The following RGSL1 variants were observed in gnomAD, a reference collection of about 807,000 sequenced individuals.
The protein encoded by RGSL1 is regulator of G protein signaling like 1.
Under a neutral mutation model 124.7 loss-of-function variants are expected in RGSL1, and 97 were observed. The ratio of observed to expected loss-of-function variants is 0.78; its 90% confidence interval spans 0.66 to 0.92. The LOEUF is 0.92. Among genes scored for constraint, RGSL1 ranks in the 40% least tolerant of loss-of-function variants. The pLI, the probability that RGSL1 is intolerant of heterozygous loss-of-function variation, is 0.00. For missense variants in RGSL1, 1,233 were observed against 1,288.4 expected, an observed-to-expected ratio of 0.96 and a Z score of 0.66; for synonymous variants, 424 against 438.1, an observed-to-expected ratio of 0.97 and a Z score of 0.40.
At chr1:182,520,176 A>G (rs1558367680) in intron 9 of RGSL1, among the ~76,000 whole-genome samples, 1 of 152,232 alleles carries the variant, frequency 6.6e-6, no homozygotes, top group Non-Finnish European at 1.5e-5. Flanking sequence ...TACTTCTGAC[A>G]TACACTAAAC....
At chr1:182,484,937 C>T (rs1432512953) in intron 6 of RGSL1, among the ~76,000 whole-genome samples, 2 of 152,222 alleles carry the variant, frequency 1.3e-5, no homozygotes, top group East Asian at 1.9e-4. Context: ...GGCTGCTTGC[C>T]CCTGGAGCAA....
intron 6 of RGSL1, among the ~76,000 whole-genome samples, chr1:182,478,910 G>A (rs951092873): frequency 3.9e-5 from 6 of 152,294 alleles, no homozygotes; most frequent in African/African-American, 1.4e-4. Flanking sequence ...AAACCTTGTA[G>A]TCCAGGAGAG....
At chr1:182,450,343 T>A (rs1651714140) in intron 1 of RGSL1, 165 bp downstream of exon 1, 1 of 755,210 alleles carries the variant, frequency 1.3e-6, no homozygotes, top group Admixed American at 2.1e-5. Context: ...TTCCCCTTCC[T>A]CCTACCTTCT....
chr1:182,524,658 G>A (rs1329029691), intron 10 of RGSL1, among the ~76,000 whole-genome samples: 1 of 152,166 alleles, frequency 6.6e-6, no homozygotes, highest in Non-Finnish European at 1.5e-5. Context: ...ACATCACCAA[G>A]CTTGACAGCC....
intron 9 of RGSL1, among the ~76,000 whole-genome samples, chr1:182,505,103 T>C (rs1656716041): frequency 1.3e-5 from 2 of 152,224 alleles, no homozygotes; most frequent in African/African-American, 2.4e-5. Context: ...ATCCCAACTG[T>C]TGTCCCTAGG....
At chr1:182,528,816 G>A (rs781065476) in intron 11 of RGSL1, among the ~76,000 whole-genome samples, 2 of 152,296 alleles carry the variant, frequency 1.3e-5, no homozygotes, top group African/African-American at 2.4e-5. Context: ...ACCTGAGACT[G>A]GGTAATTTAT....
chr1:182,451,936 A>C (rs1651873645), intron 1 of RGSL1, among the ~76,000 whole-genome samples: 1 of 151,964 alleles, frequency 6.6e-6, no homozygotes, highest in Non-Finnish European at 1.5e-5. Flanking sequence ...ACCATACAGC[A>C]TGATCCCCCA....
At chr1:182,550,651 A>C in intron 17 of RGSL1, 1 of 158,218 alleles carries the variant, frequency 6.3e-6, no homozygotes, top group South Asian at 2.0e-4. Flanking sequence ...CCCGCTGGGA[A>C]TAGAGTGAGG....
intron 10 of RGSL1, among the ~76,000 whole-genome samples, chr1:182,523,341 G>A (rs1658498211): frequency 6.6e-6 from 1 of 151,544 alleles, no homozygotes; most frequent in South Asian, 2.1e-4. Flanking sequence ...AGCCAAGAAT[G>A]TTTTCGTTTA....
At chr1:182,521,087 A>G (rs1300292875) in intron 9 of RGSL1, among the ~76,000 whole-genome samples, 2 of 152,180 alleles carry the variant, frequency 1.3e-5, no homozygotes, top group Admixed American at 6.5e-5. Context: ...AATTATTTTT[A>G]TAAACAGAGT....
At chr1:182,537,107 T>C (rs893097359) in intron 14 of RGSL1, among the ~76,000 whole-genome samples, 13 of 152,198 alleles carry the variant, frequency 8.5e-5, no homozygotes, top group African/African-American at 2.9e-4. Context: ...TGCTTTTTGA[T>C]TTTTTAAGTA....
At chr1:182,475,030 C>T (rs1654180008) in intron 6 of RGSL1, among the ~76,000 whole-genome samples, 1 of 152,178 alleles carries the variant, frequency 6.6e-6, no homozygotes, top group Admixed American at 6.5e-5. Context: ...TCTCAAGGCA[C>T]AAATTTTGCA....
intron 9 of RGSL1, among the ~76,000 whole-genome samples, chr1:182,517,780 T>C (rs942629566): frequency 1.3e-5 from 2 of 152,212 alleles, no homozygotes; most frequent in Admixed American, 1.3e-4. Context: ...CCGAATTGTT[T>C]TTCTGTGTTA....
chr1:182,459,221 T>G (rs1652602762), intron 3 of RGSL1, among the ~76,000 whole-genome samples: 1 of 152,160 alleles, frequency 6.6e-6, no homozygotes, highest in Non-Finnish European at 1.5e-5. Context: ...CAGAGGCATG[T>G]TTTTCTCCCA....
chr1:182,491,968 G>A (rs1358026285), intron 8 of RGSL1, among the ~76,000 whole-genome samples: 1 of 151,838 alleles, frequency 6.6e-6, no homozygotes, highest in Non-Finnish European at 1.5e-5. Flanking sequence ...ATACAAAAAG[G>A]TATTCCCTCT....
intron 17 of RGSL1, chr1:182,549,982 C>T (rs1660460050): frequency 6.6e-6 from 1 of 152,140 alleles, no homozygotes; most frequent in African/African-American, 2.4e-5. Context: ...TAGCTGTCTC[C>T]CATGTGCTTA....
chr1:182,485,495 G>A (rs1412558024), intron 6 of RGSL1, among the ~76,000 whole-genome samples: 1 of 152,138 alleles, frequency 6.6e-6, no homozygotes, highest in Non-Finnish European at 1.5e-5. Context: ...GGATCATAAT[G>A]GCTGCCTCAA....
chr1:182,505,320 G>A (rs995001409), intron 9 of RGSL1, among the ~76,000 whole-genome samples: 5 of 152,164 alleles, frequency 3.3e-5, no homozygotes, highest in Non-Finnish European at 7.3e-5. Flanking sequence ...TCTGGCACTA[G>A]CAACCTGCAT....
At chr1:182,496,544 T>G (rs1426911442) in intron 9 of RGSL1, among the ~76,000 whole-genome samples, 1 of 152,198 alleles carries the variant, frequency 6.6e-6, no homozygotes, top group Non-Finnish European at 1.5e-5. Context: ...TATTTCAAGA[T>G]TATCCTTTTC....
Sources: allele counts gnomAD v4.1 joint callset (sites outside exome capture counted in the v4.1 genomes callset), GRCh38; gene constraint gnomAD v4.1.1; transcripts MANE v1.5; gene names NCBI Gene and HGNC (gene_info 2026-07-23, HGNC 2026-07-21).